TMEM229B: variants seen among roughly 807,000 people sequenced by gnomAD.
The protein encoded by TMEM229B is chromosome 14 open reading frame 83.
TMEM229B carries 6 observed loss-of-function variants against 13.7 expected under a neutral mutation model. The ratio of observed to expected loss-of-function variants is 0.44; its 90% CI spans 0.24 to 0.86. The LOEUF is 0.86. Among genes scored for constraint, TMEM229B ranks in the 40% least tolerant of loss-of-function variants. The pLI, the probability that TMEM229B is intolerant of heterozygous loss-of-function variation, is 0.23. For synonymous variants in TMEM229B, 107 were observed against 102.1 expected, an observed-to-expected ratio of 1.05 and a Z score of -0.29; for missense variants, 170 against 236.0, an observed-to-expected ratio of 0.72 and a Z score of 1.83.
chr14:67,498,117 T>C (rs893749906), intron 1 of TMEM229B, among the ~76,000 whole-genome samples: 3 of 152,216 alleles, frequency 2.0e-5, no homozygotes, highest in Admixed American at 6.5e-5. Flanking sequence ...AGACCAAGAA[T>C]GTAACCACAC....
At chr14:67,513,357 G>C (rs12879556) in intron 1 of TMEM229B, among the ~76,000 whole-genome samples, 63,804 of 152,064 alleles carry the variant, frequency 0.42, 13,902 homozygotes, top group Non-Finnish European at 0.48. Flanking sequence ...CTTCTCTGGT[G>C]CAGTACCTGC....
chr14:67,476,357 C>T (rs71421374), intron 2 of TMEM229B, among the ~76,000 whole-genome samples: 17,638 of 152,082 alleles, frequency 0.12, 1,241 homozygotes, highest in Non-Finnish European at 0.15. Context: ...GAGGCTGAGG[C>T]GGGTGGATCA....
chr14:67,508,590 A>T (rs923319221), intron 1 of TMEM229B, among the ~76,000 whole-genome samples: 2 of 151,418 alleles, frequency 1.3e-5, no homozygotes, highest in Admixed American at 1.3e-4. Flanking sequence ...ATACTTCAAA[A>T]TGGTGGAAGA....
intron 1 of TMEM229B, among the ~76,000 whole-genome samples, chr14:67,512,485 A>G (rs142507962): frequency 4.7e-4 from 71 of 152,220 alleles, no homozygotes; most frequent in African/African-American, 1.5e-3. Flanking sequence ...TGTTCCTGCA[A>G]TTCAAAAATA....
At chr14:67,530,711 G>C (rs2033430657) in intron 1 of TMEM229B, among the ~76,000 whole-genome samples, 1 of 152,202 alleles carries the variant, frequency 6.6e-6, no homozygotes, top group Non-Finnish European at 1.5e-5. Flanking sequence ...AAAACATGGA[G>C]TTGGCCAGGA....
intron 2 of TMEM229B, 92 bp from the exon 3 acceptor site, chr14:67,474,033 C>T (rs1943031816): frequency 2.2e-6 from 3 of 1,373,754 alleles, no homozygotes; most frequent in Middle Eastern, 5.3e-4. Context: ...CGGCGGATCA[C>T]TTGAGGTCAG....
chr14:67,515,017 C>G (rs2033156379), intron 1 of TMEM229B: 1 of 152,436 alleles, frequency 6.6e-6, no homozygotes, highest in Admixed American at 6.5e-5. Flanking sequence ...GCGGTCGGAG[C>G]TGCCGGCCCC....
At position 67,496,724 on chromosome 14, in the gene TMEM229B, TTC is replaced by T. The variant is rs1220095571; in HGVS notation, c.-191-9554_-191-9553del. Among the ~76,000 whole-genome samples the T allele has an allele frequency of 1.0e-3, 148 of 147,962 alleles. 1 individual carries two copies. The highest frequency in any genetic ancestry group is 3.6e-3 in the African/African-American group (143 of 39,918). ...TCTTTTCCCTTCCCCTTTTCTTTCT[TTC>T]TCTCTCTCTCTCTTTCTTTCCTTCC... On this transcript the variant is annotated intron_variant, in intron 1 of 2. Coordinates refer to the TMEM229B transcript ENST00000357461.
At chr14:67,489,674 A>G (rs1397863885), upstream of TMEM229B, among the ~76,000 whole-genome samples, 1 of 152,172 alleles carries the variant, frequency 6.6e-6, no homozygotes, top group Non-Finnish European at 1.5e-5. Context: ...CCTTCAACTG[A>G]AACATGTCAT....
chr14:67,477,038 C>T (rs780465761), intron 2 of TMEM229B, among the ~76,000 whole-genome samples: 2 of 152,060 alleles, frequency 1.3e-5, no homozygotes, highest in African/African-American at 4.8e-5. Flanking sequence ...TGGTGGCATG[C>T]GCCTATAATC....
At position 67,470,819 on chromosome 14, in the gene TMEM229B, T is replaced by C. The variant is rs1055318060; in HGVS notation, c.*2601A>G. On this transcript the variant is annotated 3_prime_UTR_variant, in exon 3 of 3. Coordinates refer to ENST00000554480, the MANE Select transcript of TMEM229B (RefSeq NM_001348543.2). ...AATCTGTAACTCAGAGATGCTGCCA[T>C]GTCTAGTGGAGAGAGGCCCAGGACA... 1 of 152,612 alleles carries C rather than the reference T, an allele frequency of 6.6e-6. No homozygotes were observed. Among genetic ancestry groups the C allele is most frequent in the African/African-American group, 2.4e-5 (1 of 41,390 alleles). The allele number at this position is 152,612 out of a possible 1,614,324, so 9.5% of individuals were successfully genotyped here.
rs2030892922 is a variant in TMEM229B, at chr14:67,473,273, C to T, written c.*147G>A. The T allele has an allele frequency of 1.2e-5, 14 of 1,128,652 alleles. No homozygotes were observed. Among genetic ancestry groups the T allele is most frequent in the Non-Finnish European group, 1.8e-5 (14 of 797,732 alleles). 69.9% of individuals were successfully genotyped at this position (1,128,652 alleles called of 1,614,324 possible). A position where few individuals can be genotyped will look rare whatever the true frequency, so the allele number is the denominator to read the frequency against. On this transcript the variant is annotated 3_prime_UTR_variant, in exon 3 of 3. Transcript: ENST00000554480. This position sits in a 1 kb window ranked among gnomAD's most constrained non-coding sequence, Gnocchi z 6.5. ...CACGGCCCCCCAACACCGGCCCCCG[C>T]GGACGTTAGGGGGCTCTGTGTGCCC...
intron 2 of TMEM229B, among the ~76,000 whole-genome samples, chr14:67,480,378 GGAGACTGAAGGTGAGCCT>G (rs2031510959): frequency 6.6e-6 from 1 of 152,148 alleles, no homozygotes; most frequent in African/African-American, 2.4e-5. Flanking sequence ...AGACATCCCG[GGAGACTGAAGGTGAGCCT>G]CCAGCTTCCC....
intron 1 of TMEM229B, among the ~76,000 whole-genome samples, chr14:67,500,382 G>A (rs1299292301): frequency 4.6e-5 from 7 of 151,878 alleles, no homozygotes; most frequent in Admixed American, 3.9e-4. Flanking sequence ...GCTGAGACAG[G>A]AGAATCTCTT....
chr14:67,532,877 A>T (rs1289736989), intron 1 of TMEM229B, among the ~76,000 whole-genome samples: 9 of 152,192 alleles, frequency 5.9e-5, no homozygotes. Flanking sequence ...CTTGTCCCGC[A>T]GCCCGCGAGG....
exon 1 of TMEM229B, chr14:67,515,349 C>T (rs2033171650): frequency 6.2e-6 from 1 of 161,668 alleles, no homozygotes; most frequent in South Asian, 1.7e-4. Flanking sequence ...CGGCGTCCGC[C>T]GCGGCGGCGC....
chr14:67,493,478 T>A (rs866764080), upstream of TMEM229B, among the ~76,000 whole-genome samples: 1 of 152,208 alleles, frequency 6.6e-6, no homozygotes, highest in Non-Finnish European at 1.5e-5. Flanking sequence ...TTCAGTGTGC[T>A]CTCGTGATCG....
intron 2 of TMEM229B, among the ~76,000 whole-genome samples, chr14:67,475,467 C>T (rs2031125322): frequency 6.6e-6 from 1 of 152,208 alleles, no homozygotes; most frequent in Non-Finnish European, 1.5e-5. Flanking sequence ...AACCACTGTG[C>T]TGTTTTCCAC....
chr14:67,498,750 C>T (rs1398431227), intron 1 of TMEM229B, among the ~76,000 whole-genome samples: 1 of 152,138 alleles, frequency 6.6e-6, no homozygotes. Context: ...ACCGCAGCCT[C>T]CATCTCCTGG....
Sources: allele counts gnomAD v4.1 joint callset (sites outside exome capture counted in the v4.1 genomes callset), GRCh38; gene constraint gnomAD v4.1.1; non-coding constraint Gnocchi (gnomAD v3.1); transcripts MANE v1.5; gene names NCBI Gene and HGNC (gene_info 2026-07-23, HGNC 2026-07-21).